The following PPIP5K2 variants were observed in gnomAD, a reference collection of about 807,000 sequenced individuals.
PPIP5K2 encodes diphosphoinositol pentakisphosphate kinase 2.
Under a neutral mutation model 154.6 loss-of-function variants are expected in PPIP5K2, and 105 were observed. That is an observed-to-expected ratio of 0.68 (90% CI 0.58 to 0.80). The LOEUF is 0.80. Ranked by LOEUF, PPIP5K2 falls within the 30% of genes least tolerant of loss-of-function variation. The pLI is 0.00. For synonymous variants in PPIP5K2, 480 were observed against 490.3 expected, an observed-to-expected ratio of 0.98 and a Z score of 0.28; for missense variants, 992 against 1,504.6, an observed-to-expected ratio of 0.66 and a Z score of 5.64.
intron 1 of PPIP5K2, 114 bp downstream of exon 1, chr5:103,120,602 G>A: frequency 2.3e-6 from 1 of 432,782 alleles, no homozygotes; most frequent in Non-Finnish European, 4.7e-6. Context: ...CTAAACACAT[G>A]CTCCACCGAG....
intron 1 of PPIP5K2, among the ~76,000 whole-genome samples, chr5:103,126,575 C>T (rs1417874582): frequency 1.3e-5 from 2 of 152,148 alleles, no homozygotes; most frequent in East Asian, 1.9e-4. Context: ...TTAAGTCACA[C>T]GATCGATCAC....
chr5:103,194,211 A>T (rs1165959906), intron 29 of PPIP5K2, among the ~76,000 whole-genome samples: 3 of 149,928 alleles, frequency 2.0e-5, no homozygotes, highest in African/African-American at 7.4e-5. Flanking sequence ...TCTGTCGCCC[A>T]GGCTGGAGTG....
chr5:103,149,645 G>A (rs1794300228), intron 8 of PPIP5K2, among the ~76,000 whole-genome samples: 1 of 150,824 alleles, frequency 6.6e-6, no homozygotes, highest in African/African-American at 2.4e-5. Context: ...AGATTTTTTT[G>A]TTGAATGAAA....
Position 103,186,427 on chromosome 5 carries a change from G to A in PPIP5K2, c.3277G>A (p.Gly1093Ser), listed in dbSNP as rs1554225089. Residue 1093 changes from glycine (G) to serine (S), a missense_variant, in exon 27 of 31, where the codon GGC (glycine) becomes AGC (serine). Gly to Ser is a moderately conservative substitution (Grantham distance 56, BLOSUM62 0). This residue lies in a region of PPIP5K2 where 204 missense variants were observed against 224.0 expected (regional missense o/e 0.91). Transcript: ENST00000358359. The stretch of plus-strand genomic sequence containing the variant: ...TCATCGTAAAAAGCTGACCTCTTCT[G>A]GCTGCATAGATGGTATGTGCACACA... ...RTHRKKLTSSGCIDDATRGSA... is the reference protein window; with the variant it reads ...RTHRKKLTSSSCIDDATRGSA... 1 of 1,613,810 alleles carries A rather than the reference G, an allele frequency of 6.2e-7. No homozygotes were observed. Among genetic ancestry groups the A allele is most frequent in the Non-Finnish European group, 8.5e-7 (1 of 1,179,824 alleles).
At chr5:103,148,169 TAAC>T (rs782238148) in intron 7 of PPIP5K2, 137 bp downstream of exon 7, 7 of 719,278 alleles carry the variant, frequency 9.7e-6, no homozygotes, top group South Asian at 4.7e-5. Flanking sequence ...TCATGTTTTG[TAAC>T]AACAACATCT....
rs1803186661 is a variant in PPIP5K2, at chr5:103,202,663, A to G, written c.*1029A>G. 1 of 152,166 alleles carries G rather than the reference A, an allele frequency of 6.6e-6. No individual in the cohort carries two copies. The highest frequency in any genetic ancestry group is 1.5e-5 in the Non-Finnish European group (1 of 68,006). 9.4% of individuals were successfully genotyped at this position (152,166 alleles called of 1,614,324 possible). Reference sequence around the variant, plus strand: ...AGATTTTTGAAGGGATATTGAAATCATTGCGCTGTGATTTCATCTGTGATG... The same window carrying G: ...AGATTTTTGAAGGGATATTGAAATCGTTGCGCTGTGATTTCATCTGTGATG... On this transcript the variant is annotated 3_prime_UTR_variant, in exon 31 of 31. Transcript: ENST00000358359.
intron 17 of PPIP5K2, among the ~76,000 whole-genome samples, chr5:103,161,587 G>T (rs1554215813): frequency 6.6e-6 from 1 of 152,172 alleles, no homozygotes; most frequent in African/African-American, 2.4e-5. Flanking sequence ...CAGTGTAAAA[G>T]TGTTCCTATT....
intron 2 of PPIP5K2, 114 bp downstream of exon 2, chr5:103,129,817 G>C: frequency 7.8e-7 from 1 of 1,289,828 alleles, no homozygotes; most frequent in Non-Finnish European, 1.0e-6. Flanking sequence ...AGTATATTTT[G>C]TTTCATGACT....
chr5:103,204,094 CT>C lies in PPIP5K2; in HGVS notation c.*2461del, dbSNP rs1243822768. ...AACTCACTAGCCAAGGAAAAAGTTT[CT>C]GTTTTCACCCGGATTTCTTTTTGGG... On this transcript the variant is annotated 3_prime_UTR_variant, in exon 31 of 31. Transcript: ENST00000358359. 1 of 152,168 alleles carries C rather than the reference CT, an allele frequency of 6.6e-6. No homozygotes were observed. The highest frequency in any genetic ancestry group is 2.4e-5 in the African/African-American group (1 of 41,442). 9.4% of individuals were successfully genotyped at this position (152,168 alleles called of 1,614,324 possible).
At chr5:103,131,489 C>T (rs782151542) in intron 2 of PPIP5K2, among the ~76,000 whole-genome samples, 1 of 152,040 alleles carries the variant, frequency 6.6e-6, no homozygotes, top group Non-Finnish European at 1.5e-5. Context: ...ATGTAAAACC[C>T]ATGGATATGG....
intron 10 of PPIP5K2, among the ~76,000 whole-genome samples, chr5:103,153,094 A>G (rs1321081687): frequency 6.6e-6 from 1 of 151,940 alleles, no homozygotes; most frequent in African/African-American, 2.4e-5. Flanking sequence ...AAAATGTTTT[A>G]TAACATTCTC....
At chr5:103,199,401 A>G (rs1554229583) in intron 30 of PPIP5K2, among the ~76,000 whole-genome samples, 1 of 151,976 alleles carries the variant, frequency 6.6e-6, no homozygotes, top group African/African-American at 2.4e-5. Flanking sequence ...CTTGCAGTGT[A>G]ATTTTTGCTG....
At chr5:103,172,538 C>A (rs1424769600) in intron 19 of PPIP5K2, among the ~76,000 whole-genome samples, 2 of 151,480 alleles carry the variant, frequency 1.3e-5, no homozygotes, top group Admixed American at 6.6e-5. Flanking sequence ...TCTTCTACTG[C>A]TTTGAACTAT....
intron 23 of PPIP5K2, 43 bp from the exon 24 acceptor site, chr5:103,179,978 T>G: frequency 6.9e-7 from 1 of 1,456,746 alleles, no homozygotes; most frequent in East Asian, 2.5e-5. Flanking sequence ...AAGAGATTTC[T>G]TAAATCTGAA....
intron 5 of PPIP5K2, among the ~76,000 whole-genome samples, chr5:103,143,357 A>G (rs1421566026): frequency 6.6e-6 from 1 of 152,100 alleles, no homozygotes; most frequent in Admixed American, 6.5e-5. Flanking sequence ...GACCCAAGTA[A>G]TTATTTTTTG....
intron 3 of PPIP5K2, among the ~76,000 whole-genome samples, chr5:103,135,573 G>C (rs964445438): frequency 1.3e-5 from 2 of 152,038 alleles, no homozygotes; most frequent in Non-Finnish European, 2.9e-5. Context: ...TAGAACTACA[G>C]GTTGCACCAC....
At chr5:103,160,990 G>A (rs1375441061) in intron 17 of PPIP5K2, among the ~76,000 whole-genome samples, 16 of 150,064 alleles carry the variant, frequency 1.1e-4, no homozygotes, top group African/African-American at 3.7e-4. Flanking sequence ...TTAAGTTATA[G>A]GGTACATGTG....
At chr5:103,162,778 AG>A (rs1208244590) in intron 17 of PPIP5K2, among the ~76,000 whole-genome samples, 3 of 152,106 alleles carry the variant, frequency 2.0e-5, no homozygotes, top group African/African-American at 7.2e-5. Context: ...TTCGGAGAAG[AG>A]GCCATAAGAT....
intron 19 of PPIP5K2, among the ~76,000 whole-genome samples, chr5:103,171,029 T>G (rs1797906720): frequency 1.3e-5 from 2 of 151,518 alleles, no homozygotes; most frequent in Admixed American, 1.3e-4. Flanking sequence ...CCTTAAAAAA[T>G]CAGTTTCTAC....
Sources: gnomAD v4.1 joint callset for allele counts (sites outside exome capture counted in the v4.1 genomes callset) on GRCh38, gnomAD v4.1.1 for gene constraint, gnomAD v4.1.1 regional missense constraint, MANE v1.5 for transcripts, NCBI Gene and HGNC (gene_info 2026-07-23, HGNC 2026-07-21) for gene names.